The following BRSK1 variants were observed in gnomAD, a reference collection of about 807,000 sequenced individuals.
BRSK1 encodes the protein serine/threonine-protein kinase BRSK1.
BRSK1 carries 17 observed loss-of-function variants against 86.2 expected under a neutral mutation model. That is an observed-to-expected ratio of 0.20 (90% confidence interval 0.14 to 0.30). The LOEUF (loss-of-function observed/expected upper bound fraction) is 0.30. Among genes scored for constraint, BRSK1 ranks in the 10% least tolerant of loss-of-function variants. The probability of loss-of-function intolerance (pLI) is 1.00; values close to 1 mark genes in which losing one functional copy is unlikely to be tolerated. For synonymous variants in BRSK1, 464 were observed against 440.1 expected, an observed-to-expected ratio of 1.05 and a Z score of -0.68; for missense variants, 719 against 1,071.9, an observed-to-expected ratio of 0.67 and a Z score of 4.60.
chr19:55,303,923 G>T lies in BRSK1; in HGVS notation c.1286+97G>T. 6.6e-7 allele frequency: 1 copy of T among 1,520,134 alleles called. No homozygotes were observed. The highest frequency in any genetic ancestry group is 1.3e-5 in the South Asian group (1 of 76,562). The allele number at this position is 1,520,134 out of a possible 1,614,324, so 94.2% of individuals were successfully genotyped here. A position where few individuals can be genotyped will look rare whatever the true frequency, so the allele number is the denominator to read the frequency against. The stretch of plus-strand genomic sequence containing the variant: ...CTACCTCAAATGTGCTGTGTCCTTG[G>T]GACAATTCACCTCCCCTCTCTGGGC... On this transcript the variant is annotated intron_variant, in intron 12 of 18. Transcript: ENST00000309383. This position sits in a 1 kb window ranked among gnomAD's most constrained non-coding sequence, Gnocchi z 5.1.
Position 55,312,248 on chromosome 19 carries a change from CAG to C in BRSK1, c.*181_*182del, listed in dbSNP as rs908226383. ...CCAACTGGGGGTGGTTCTAGGGGAA[CAG>C]GGGGCGGGGGAGCTGTTTCTATTTT... On this transcript the variant is annotated 3_prime_UTR_variant, in exon 19 of 19. Coordinates refer to ENST00000309383, the MANE Select transcript of BRSK1 (RefSeq NM_032430.2). 121 of 395,702 alleles carry C rather than the reference CAG, an allele frequency of 3.1e-4. 1 individual carries two copies. The highest frequency in any genetic ancestry group is 1.5e-3 in the African/African-American group (72 of 46,644). The allele number at this position is 395,702 out of a possible 1,614,324, so 24.5% of individuals were successfully genotyped here.
At position 55,310,603 on chromosome 19, in the gene BRSK1, G is replaced by GA. The variant is rs1182815024; in HGVS notation, c.2180-1308_2180-1307insA. ...AGACATTTTTCCTCCCCTCAACTGG[G>GA]GAAAACAGGGGGATGCCAATGGCCT... On this transcript the variant is annotated intron_variant, in intron 18 of 18. Coordinates refer to ENST00000309383, the MANE Select transcript of BRSK1 (RefSeq NM_032430.2). This position sits in a 1 kb window ranked among gnomAD's most constrained non-coding sequence, Gnocchi z 5.0. 6.6e-6 allele frequency among the ~76,000 whole-genome samples: 1 copy of GA among 152,098 alleles called. No homozygotes were observed. The highest frequency in any genetic ancestry group is 1.9e-4 in the East Asian group (1 of 5,188).
rs577876950 is a variant in BRSK1, at chr19:55,302,630, G to C, written c.858-67G>C. On this transcript the variant is annotated intron_variant, in intron 9 of 18. Coordinates refer to ENST00000309383, the MANE Select transcript of BRSK1 (RefSeq NM_032430.2). The surrounding 1 kb of genome is among the most constrained non-coding windows in gnomAD (Gnocchi z 6.3). Reference sequence around the variant, plus strand: ...TCGGATTTCGGGGTCCGGGATCATTGAGTCTAGAATGAAGAATGCTGAATC... The same window carrying C: ...TCGGATTTCGGGGTCCGGGATCATTCAGTCTAGAATGAAGAATGCTGAATC... 1.3e-4 allele frequency: 193 copies of C among 1,537,950 alleles called. 1 individual carries two copies. The South Asian group carries it at 2.2e-3, about 18-fold the overall frequency.
rs139469654 is a variant in BRSK1 at position 55,302,835 on chromosome 19, C to T, written c.996C>T (p.Arg332=). 7 of 1,613,530 alleles carry T rather than the reference C, an allele frequency of 4.3e-6. No homozygotes were observed. The highest frequency in any genetic ancestry group is 2.7e-5 in the African/African-American group (2 of 74,906). ...CATCACTGGGCTGCTTCAGGGACCG[C>T]GAGAGGCTGCATCGCGAGCTGCGCA... ...SMASLGCFRD[R]ERLHRELRSE... The change falls in exon 10 of 19, where the codon CGC becomes CGT. Residue 332 remains arginine, a synonymous_variant. Coordinates refer to ENST00000309383, the MANE Select transcript of BRSK1 (RefSeq NM_032430.2). The surrounding 1 kb of genome is among the most constrained non-coding windows in gnomAD (Gnocchi z 6.3).
intron 18 of BRSK1, among the ~76,000 whole-genome samples, 155 bp downstream of exon 18, chr19:55,308,883 T>C (rs982939660): frequency 1.3e-5 from 2 of 149,432 alleles, no homozygotes; most frequent in Middle Eastern, 3.2e-3. Context: ...TGCTCTGGGG[T>C]TTGGTTTGCA....
intron 7 of BRSK1, among the ~76,000 whole-genome samples, chr19:55,299,269 T>G (rs2122966770): frequency 6.6e-6 from 1 of 152,298 alleles, no homozygotes; most frequent in African/African-American, 2.4e-5. Context: ...GTTCCTCCAG[T>G]AGCCGTGACT....
Position 55,294,004 on chromosome 19 carries a change from C to T in BRSK1, c.459-13C>T, listed in dbSNP as rs1324692694. 1.9e-6 allele frequency: 3 copies of T among 1,603,242 alleles called. No homozygotes were observed. The highest frequency in any genetic ancestry group is 1.7e-5 in the Admixed American group (1 of 59,496). On this transcript the variant is annotated splice_polypyrimidine_tract_variant and intron_variant, in intron 4 of 18. Transcript: ENST00000309383. The surrounding 1 kb of genome is among the most constrained non-coding windows in gnomAD (Gnocchi z 4.9). ...AGGAAGGAAGAGGCCTGAGTCCCAC[C>T]TGGCTGTCTCAGCCACAGAGACCTA...
In BRSK1 at chr19:55,302,028, G is replaced by A; in HGVS notation, c.826-109G>A. On this transcript the variant is annotated intron_variant, in intron 8 of 18. Transcript: ENST00000309383. This position sits in a 1 kb window ranked among gnomAD's most constrained non-coding sequence, Gnocchi z 6.3. Reference sequence around the variant, plus strand: ...AATATGTCATCCTGCCCCCGGTGGGGTGGGCGGGGAGATGATCAGGGACCC... The same window carrying A: ...AATATGTCATCCTGCCCCCGGTGGGATGGGCGGGGAGATGATCAGGGACCC... The A allele has an allele frequency of 8.0e-7, 1 of 1,250,052 alleles. No homozygotes were observed. Among genetic ancestry groups the A allele is most frequent in the Non-Finnish European group, 1.2e-6 (1 of 850,036 alleles). 77.4% of individuals were successfully genotyped at this position (1,250,052 alleles called of 1,614,324 possible).
At chr19:55,291,363 A>G (rs557423650) in intron 4 of BRSK1, among the ~76,000 whole-genome samples, 76 of 151,990 alleles carry the variant, frequency 5.0e-4, no homozygotes, top group Non-Finnish European at 9.7e-4. Flanking sequence ...ACAAAGTGAG[A>G]TTCCCCCCAT....
At position 55,305,365 on chromosome 19, in the gene BRSK1, C is replaced by A. The variant is rs2088634081; in HGVS notation, c.1762C>A (p.Pro588Thr). ...GTCCAGCTTGACGCCAGAGTCCTCC[C>A]CGGAGTGAGTCTCACAGGGAAGGAA... The part of the protein sequence containing the change: ...EMSSLTPESS[P>T]ELAKRSWFGN... Residue 588 changes from proline to threonine, a missense_variant, in exon 15 of 19, where the codon CCG becomes ACG. This residue lies in a region of BRSK1 where 180 missense variants were observed against 259.4 expected (regional missense o/e 0.69). Transcript: ENST00000309383. 2.5e-6 allele frequency: 4 copies of A among 1,614,174 alleles called. No homozygotes were observed. The highest frequency in any genetic ancestry group is 3.4e-6 in the Non-Finnish European group (4 of 1,180,030).
chr19:55,289,688 T>G, intron 4 of BRSK1, 68 bp downstream of exon 4: 2 of 1,569,052 alleles, frequency 1.3e-6, no homozygotes, highest in Non-Finnish European at 1.7e-6. Flanking sequence ...TGGGGGCATG[T>G]GGAGGGCTGA....
chr19:55,294,370 T>C lies in BRSK1; in HGVS notation c.651T>C (p.Cys217=). 1.9e-6 allele frequency: 3 copies of C among 1,614,124 alleles called. No homozygotes were observed. The highest frequency in any genetic ancestry group is 2.5e-6 in the Non-Finnish European group (3 of 1,180,026). The change falls in exon 7 of 19, where the codon TGT becomes TGC. Residue 217 remains cysteine (C), a synonymous_variant. Transcript: ENST00000309383. The surrounding 1 kb of genome is among the most constrained non-coding windows in gnomAD (Gnocchi z 4.9). ...YDGRRADMWS[C]GVILFALLVG... is the part of the protein sequence containing the mutation. ...GCCGCCGGGCAGACATGTGGAGCTG[T>C]GGAGTCATCCTCTTCGCCCTGCTCG... is the stretch of plus-strand genomic sequence containing the variant.
chr19:55,287,552 C>T lies in BRSK1; in HGVS notation c.317+253C>T, dbSNP rs185128734. Among the ~76,000 whole-genome samples, 26 of 152,338 alleles carry T rather than the reference C, an allele frequency of 1.7e-4. No homozygotes were observed. The highest frequency in any genetic ancestry group is 5.5e-4 in the African/African-American group (23 of 41,576). On this transcript the variant is annotated intron_variant, in intron 3 of 18. Coordinates refer to ENST00000309383, the MANE Select transcript of BRSK1 (RefSeq NM_032430.2). This position sits in a 1 kb window ranked among gnomAD's most constrained non-coding sequence, Gnocchi z 5.3. ...TACCGTGTCCCCAGCTCCAGCTCCT[C>T]GCCCTGTGGCACTGCATGGAATGCG...
At chr19:55,293,781 G>C (rs1421833879) in intron 4 of BRSK1, among the ~76,000 whole-genome samples, 1 of 152,182 alleles carries the variant, frequency 6.6e-6, no homozygotes, top group Non-Finnish European at 1.5e-5. Flanking sequence ...CTGCACTCCA[G>C]CCTGGGAGAC....
rs952124590 is a variant in BRSK1, at chr19:55,304,650, C to T, written c.1447C>T (p.Pro483Ser). 4.0e-6 allele frequency: 6 copies of T among 1,515,588 alleles called. No homozygotes were observed. The highest frequency in any genetic ancestry group is 2.2e-5 in the Admixed American group (1 of 44,476). The allele number at this position is 1,515,588 out of a possible 1,614,324, so 93.9% of individuals were successfully genotyped here. ...AACGCAGACGCTGCCTTCTCGGGGCCCCAGGGGTGGGGGCGCCGGGGAGCA... is the reference window on the plus strand; with the variant it reads ...AACGCAGACGCTGCCTTCTCGGGGCTCCAGGGGTGGGGGCGCCGGGGAGCA... ...SKTQTLPSRG[P>S]RGGGAGEQPP... is the part of the protein sequence containing the mutation. Residue 483 changes from proline to serine, a missense_variant, in exon 14 of 19, where the codon CCC (proline) becomes TCC (serine). Around this residue, in one of 6 missense-constraint regions of BRSK1, gnomAD observed 143 missense variants for 120.1 expected, o/e 1.19. Coordinates refer to ENST00000309383, the MANE Select transcript of BRSK1 (RefSeq NM_032430.2). The surrounding 1 kb of genome is among the most constrained non-coding windows in gnomAD (Gnocchi z 5.2).
intron 3 of BRSK1, among the ~76,000 whole-genome samples, chr19:55,288,566 A>T (rs1251986045): frequency 6.6e-6 from 1 of 151,406 alleles, no homozygotes; most frequent in East Asian, 1.9e-4. Flanking sequence ...GCTTATGGGA[A>T]GGGAGTTTGG....
Position 55,312,114 on chromosome 19 carries a change from C to T in BRSK1, c.*46C>T, listed in dbSNP as rs1031400818. On this transcript the variant is annotated 3_prime_UTR_variant, in exon 19 of 19. Transcript: ENST00000309383. ...AGGGGACCCCCCTCCACCCCCCTTCCGTGCCCCCCAACTGTGAATCTGTAA... is the reference window on the plus strand; with the variant it reads ...AGGGGACCCCCCTCCACCCCCCTTCTGTGCCCCCCAACTGTGAATCTGTAA... 8.4e-6 allele frequency: 7 copies of T among 830,046 alleles called. No homozygotes were observed. Among genetic ancestry groups the T allele is most frequent in the African/African-American group, 7.2e-5 (4 of 55,698 alleles). 51.4% of individuals were successfully genotyped at this position (830,046 alleles called of 1,614,324 possible).
In BRSK1 at chr19:55,303,993, G is replaced by A. The variant is rs148198316; in HGVS notation, c.1287-57G>A. The A allele has an allele frequency of 8.7e-5, 135 of 1,557,610 alleles. No individual in the cohort carries two copies. In the African/African-American group the frequency reaches 1.4e-3, roughly 16 times the overall value. On this transcript the variant is annotated intron_variant, in intron 12 of 18. Coordinates refer to ENST00000309383, the MANE Select transcript of BRSK1 (RefSeq NM_032430.2). The surrounding 1 kb of genome is among the most constrained non-coding windows in gnomAD (Gnocchi z 5.1). ...GGACTGTAGAAGTGAGGGAACATCTGTGGTTTTTGAAACCCTCCCATCTGA... is the reference window on the plus strand; with the variant it reads ...GGACTGTAGAAGTGAGGGAACATCTATGGTTTTTGAAACCCTCCCATCTGA...
intron 7 of BRSK1, among the ~76,000 whole-genome samples, chr19:55,299,407 A>G (rs778971241): frequency 7.5e-5 from 11 of 147,230 alleles, no homozygotes; most frequent in Non-Finnish European, 1.6e-4. Flanking sequence ...TTTTTTTGAG[A>G]TGGAGACTTT....
Sources: gnomAD v4.1 joint callset for allele counts (sites outside exome capture counted in the v4.1 genomes callset) on GRCh38, gnomAD v4.1.1 for gene constraint, gnomAD v4.1.1 regional missense constraint, Gnocchi (gnomAD v3.1) non-coding constraint, MANE v1.5 for transcripts, NCBI Gene and HGNC (gene_info 2026-07-23, HGNC 2026-07-21) for gene names.